ARSG: variants seen among roughly 807,000 people sequenced by gnomAD.
ARSG encodes ASG.
ARSG carries 37 observed loss-of-function variants against 50.5 expected under a neutral mutation model. The observed-to-expected ratio is 0.73, with a 90% CI of 0.56 to 0.96. ARSG has a LOEUF of 0.96. ARSG is among the 50% of genes least tolerant of loss of function. The pLI is 0.00. For missense variants in ARSG, 629 were observed against 675.3 expected, an observed-to-expected ratio of 0.93 and a Z score of 0.76; for synonymous variants, 225 against 254.6, an observed-to-expected ratio of 0.88 and a Z score of 1.11.
At position 68,322,354 on chromosome 17, in the gene ARSG, C is replaced by T. The variant is rs578147482; in HGVS notation, c.218+14643C>T. Among the ~76,000 whole-genome samples the T allele has an allele frequency of 1.2e-4, 18 of 152,286 alleles. No individual in the cohort carries two copies. The South Asian group carries it at 3.1e-3, about 26-fold the overall frequency. On this transcript the variant is annotated intron_variant, in intron 2 of 11. Coordinates refer to ENST00000621439, the MANE Select transcript of ARSG (RefSeq NM_001267727.2). ...TAGAAATGTACGATAGCTGGCCGGG[C>T]GCGGTGGCTCATGCCTATAATCCCA...
At chr17:68,344,391 A>G (rs1172485094) in intron 3 of ARSG, among the ~76,000 whole-genome samples, 3 of 152,388 alleles carry the variant, frequency 2.0e-5, no homozygotes, top group South Asian at 2.1e-4. Flanking sequence ...AGCAGGATAC[A>G]TGGGGACATG....
intron 1 of ARSG, among the ~76,000 whole-genome samples, chr17:68,295,215 T>C (rs2076162988): frequency 6.6e-6 from 1 of 151,992 alleles, no homozygotes; most frequent in African/African-American, 2.4e-5. Context: ...GTGAACAGCA[T>C]GAGAAGAAGG....
At chr17:68,336,396 G>A (rs536653524) in intron 2 of ARSG, among the ~76,000 whole-genome samples, 1 of 151,958 alleles carries the variant, frequency 6.6e-6, no homozygotes, top group African/African-American at 2.4e-5. Flanking sequence ...TTTTAGTAGG[G>A]ACAGGGTTTC....
chr17:68,382,225 G>A (rs1474759778), intron 8 of ARSG, among the ~76,000 whole-genome samples: 4 of 152,102 alleles, frequency 2.6e-5, no homozygotes, highest in African/African-American at 4.8e-5. Context: ...GATTACAGGC[G>A]TGAGCCACTG....
At chr17:68,421,785 C>T (rs143140009), downstream of ARSG, 117 of 1,614,170 alleles carry the variant, frequency 7.2e-5, 1 homozygote, top group African/African-American at 1.3e-3. Flanking sequence ...ATGACTGCTT[C>T]GTTTTGCCCT....
At chr17:68,274,015 C>G (rs782622730) in intron 1 of ARSG, 1 of 1,614,172 alleles carries the variant, frequency 6.2e-7, no homozygotes, top group South Asian at 1.1e-5. Context: ...GTAGCCCCCC[C>G]AACATCACTA....
intron 1 of ARSG, among the ~76,000 whole-genome samples, chr17:68,261,622 G>T (rs1179745212): frequency 3.3e-5 from 5 of 152,066 alleles, no homozygotes; most frequent in East Asian, 1.9e-4. Context: ...CAAGCAATCT[G>T]CCCACCTTAG....
intron 2 of ARSG, among the ~76,000 whole-genome samples, chr17:68,310,010 G>A (rs1191498836): frequency 6.8e-6 from 1 of 148,024 alleles, no homozygotes; most frequent in Non-Finnish European, 1.5e-5. Flanking sequence ...TTCCGCTCTT[G>A]TTGCCCAGGT....
chr17:68,450,654 T>C, the ARSG span: 1 of 1,513,460 alleles, frequency 6.6e-7, no homozygotes. Flanking sequence ...GACATTGATC[T>C]TGAAAGATGT....
At chr17:68,424,491 T>C (rs1312085745), downstream of ARSG, 1 of 534,540 alleles carries the variant, frequency 1.9e-6, no homozygotes, top group Non-Finnish European at 3.8e-6. Flanking sequence ...TCAGGAGAAG[T>C]TTCCATAACA....
At chr17:68,351,514 C>A in intron 4 of ARSG, 61 bp from the exon 5 acceptor site, 1 of 888,214 alleles carries the variant, frequency 1.1e-6, no homozygotes, top group Non-Finnish European at 1.9e-6. Context: ...CGTGGGTGTA[C>A]AAAGGCAAGC....
downstream of ARSG, chr17:68,427,413 G>A: frequency 1.9e-6 from 1 of 529,798 alleles, no homozygotes. Context: ...CTGGAGTGCA[G>A]TGGCGCAATC....
At chr17:68,355,543 T>C (rs200618063) in intron 5 of ARSG, among the ~76,000 whole-genome samples, 4 of 152,020 alleles carry the variant, frequency 2.6e-5, no homozygotes, top group African/African-American at 4.8e-5. Context: ...TTAGTAGAGA[T>C]GGGGTTTCAC....
chr17:68,436,583 C>T, the ARSG span: 3 of 1,027,166 alleles, frequency 2.9e-6, no homozygotes, highest in Non-Finnish European at 4.3e-6. Flanking sequence ...CACCTACTGG[C>T]AAGGGGAGGA....
rs377188977 is a variant in ARSG at position 68,358,901 on chromosome 17, C to T, written c.704+2097C>T. ...AAAACCGGCTGGGCGTGGTGGCTCACGCCTGTAATCCCAGCACTTTGGGAG... is the reference window on the plus strand; with the variant it reads ...AAAACCGGCTGGGCGTGGTGGCTCATGCCTGTAATCCCAGCACTTTGGGAG... On this transcript the variant is annotated intron_variant, in intron 6 of 11. Transcript: ENST00000621439. Among the ~76,000 whole-genome samples the T allele has an allele frequency of 3.3e-5, 5 of 152,200 alleles. No individual in the cohort carries two copies. In the East Asian group the frequency reaches 5.8e-4, roughly 18 times the overall value.
chr17:68,421,873 G>C (rs2082800826), downstream of ARSG: 1 of 1,610,708 alleles, frequency 6.2e-7, no homozygotes, highest in African/African-American at 1.3e-5. Flanking sequence ...AGGCTGGTAG[G>C]CAGGTGCATT....
chr17:68,283,949 TTAG>T (rs1212147305), intron 1 of ARSG, among the ~76,000 whole-genome samples: 2 of 136,922 alleles, frequency 1.5e-5, no homozygotes, highest in Non-Finnish European at 3.1e-5. Context: ...AATACAAAAA[TTAG>T]TAGTAGCACG....
chr17:68,396,569 C>T (rs1222478706), intron 10 of ARSG, among the ~76,000 whole-genome samples: 2 of 152,176 alleles, frequency 1.3e-5, no homozygotes, highest in Non-Finnish European at 2.9e-5. Flanking sequence ...AAATGCATGG[C>T]TTCTTGGTGA....
intron 11 of ARSG, among the ~76,000 whole-genome samples, chr17:68,401,982 C>G (rs563023748): frequency 6.6e-6 from 1 of 152,304 alleles, no homozygotes. Context: ...CAATTGAATT[C>G]AGACTCTCAA....
Sources: gnomAD v4.1 joint callset for allele counts (sites outside exome capture counted in the v4.1 genomes callset) on GRCh38, gnomAD v4.1.1 for gene constraint, MANE v1.5 for transcripts, NCBI Gene and HGNC (gene_info 2026-07-23, HGNC 2026-07-21) for gene names.